SYNPO2: variants seen among roughly 807,000 people sequenced by gnomAD.
SYNPO2 encodes synaptopodin 2.
Under a neutral mutation model 85.0 loss-of-function variants are expected in SYNPO2, and 56 were observed. That is an observed-to-expected ratio of 0.66 (90% CI 0.53 to 0.82). The LOEUF (loss-of-function observed/expected upper bound fraction) is 0.82, where lower values mean the gene tolerates loss of function less well. Among genes scored for constraint, SYNPO2 ranks in the 40% least tolerant of loss-of-function variants. The pLI, the probability that SYNPO2 is intolerant of heterozygous loss-of-function variation, is 0.00. For missense variants in SYNPO2, 1,575 were observed against 1,534.2 expected (o/e 1.03, Z -0.44); for synonymous variants, 602 against 591.1 (o/e 1.02, Z -0.27).
chr4:119,011,293 C>T (rs372767992), intron 1 of SYNPO2, among the ~76,000 whole-genome samples: 2 of 152,164 alleles, frequency 1.3e-5, no homozygotes, highest in South Asian at 2.1e-4. Context: ...CACTCTACTT[C>T]GATGCATATG....
intron 1 of SYNPO2, among the ~76,000 whole-genome samples, chr4:118,953,781 G>C (rs1477435474): frequency 6.6e-6 from 1 of 152,192 alleles, no homozygotes; most frequent in Non-Finnish European, 1.5e-5. Context: ...CCAGTGTGAA[G>C]CTCATAAGCC....
intron 1 of SYNPO2, among the ~76,000 whole-genome samples, chr4:118,919,855 G>A (rs1156455551): frequency 6.6e-6 from 1 of 152,228 alleles, no homozygotes; most frequent in African/African-American, 2.4e-5. Flanking sequence ...CAAACAAGAT[G>A]TAGTGGAGAG....
upstream of SYNPO2, among the ~76,000 whole-genome samples, chr4:118,886,440 T>C (rs1025777359): frequency 3.3e-5 from 5 of 152,242 alleles, no homozygotes; most frequent in African/African-American, 1.2e-4. Context: ...GTGTGATGTT[T>C]CCCTCCCTGT....
intron 1 of SYNPO2, among the ~76,000 whole-genome samples, chr4:118,890,580 T>G (rs13117019): frequency 6.8e-6 from 1 of 147,900 alleles, no homozygotes; most frequent in Admixed American, 7.2e-5. Flanking sequence ...AGATTTGTCC[T>G]GAGTCTAGAA....
intron 1 of SYNPO2, among the ~76,000 whole-genome samples, chr4:118,943,204 C>T (rs1445660936): frequency 6.6e-6 from 1 of 152,062 alleles, no homozygotes; most frequent in Non-Finnish European, 1.5e-5. Flanking sequence ...ACACAACCAA[C>T]CATGTCCCCA....
At chr4:118,952,195 A>G (rs1578579661) in intron 1 of SYNPO2, among the ~76,000 whole-genome samples, 1 of 152,226 alleles carries the variant, frequency 6.6e-6, no homozygotes, top group East Asian at 1.9e-4. Context: ...GTGAAGATCA[A>G]TTACAGACGA....
At chr4:118,965,828 A>G (rs1735296796) in intron 1 of SYNPO2, among the ~76,000 whole-genome samples, 1 of 152,030 alleles carries the variant, frequency 6.6e-6, no homozygotes, top group South Asian at 2.1e-4. Context: ...CACATCTGTA[A>G]TCTCAGCACT....
chr4:119,004,078 C>T (rs1406303671), intron 1 of SYNPO2, among the ~76,000 whole-genome samples: 3 of 152,148 alleles, frequency 2.0e-5, no homozygotes, highest in African/African-American at 7.2e-5. Context: ...TTCCTGTTTT[C>T]GGCCCTACAT....
upstream of SYNPO2, chr4:118,888,764 G>A (rs925463285): frequency 2.1e-6 from 1 of 474,038 alleles, no homozygotes; most frequent in Non-Finnish European, 3.8e-6. Flanking sequence ...TTCCTCGAAG[G>A]TGGGCCGAGC....
chr4:118,912,247 C>T (rs544576933), intron 1 of SYNPO2, among the ~76,000 whole-genome samples: 65 of 152,300 alleles, frequency 4.3e-4, no homozygotes, highest in African/African-American at 1.6e-3. Context: ...AGTAGAGTGA[C>T]TATGGCTCAC....
chr4:119,012,926 G>A (rs142697249), intron 1 of SYNPO2, among the ~76,000 whole-genome samples: 1 of 151,970 alleles, frequency 6.6e-6, no homozygotes, highest in South Asian at 2.1e-4. Flanking sequence ...ACTTGCTTTT[G>A]CATTGCCTTC....
chr4:118,876,667 C>CTTTCTTTCTTTCTTTCTT (rs772213842), intron 1 of SYNPO2, among the ~76,000 whole-genome samples: 1 of 112,092 alleles, frequency 8.9e-6, no homozygotes, highest in Non-Finnish European at 1.8e-5. Context: ...TCCTTCCTTT[C>CTTTCTTTCTTTCTTTCTT]TCTTTCTTTC....
intron 1 of SYNPO2, among the ~76,000 whole-genome samples, chr4:118,965,928 T>A (rs562563715): frequency 8.8e-4 from 111 of 126,412 alleles, no homozygotes; most frequent in African/African-American, 2.6e-3. Flanking sequence ...CAAGATTTTT[T>A]TTAAAAAAAA....
rs1421175410 is a variant in SYNPO2, at chr4:119,032,595, G to A, written c.3252+568G>A. 5.0e-6 allele frequency: 5 copies of A among 993,818 alleles called. No individual in the cohort carries two copies. The South Asian group carries it at 1.8e-4, about 36-fold the overall frequency. 61.6% of individuals were successfully genotyped at this position (993,818 alleles called of 1,614,324 possible). A position where few individuals can be genotyped will look rare whatever the true frequency, so the allele number is the denominator to read the frequency against. ...TGATATCACAGAGAAGATACTCGGAGGATTGTTGGAATGTATATAGTTTAG... is the reference window on the plus strand; with the variant it reads ...TGATATCACAGAGAAGATACTCGGAAGATTGTTGGAATGTATATAGTTTAG... On this transcript the variant is annotated intron_variant, in intron 4 of 4. Coordinates refer to ENST00000307142, the MANE Select transcript of SYNPO2 (RefSeq NM_133477.3).
At chr4:118,880,292 C>A (rs919689980) in intron 1 of SYNPO2, among the ~76,000 whole-genome samples, 2 of 152,080 alleles carry the variant, frequency 1.3e-5, no homozygotes, top group Non-Finnish European at 2.9e-5. Flanking sequence ...GTATGCTGTG[C>A]ATTCTTGTTA....
At chr4:119,041,047 G>A (rs1223695204) in intron 4 of SYNPO2, among the ~76,000 whole-genome samples, 2 of 152,214 alleles carry the variant, frequency 1.3e-5, no homozygotes, top group Non-Finnish European at 2.9e-5. Context: ...GACATAGGGA[G>A]GAACTTAATA....
intron 1 of SYNPO2, among the ~76,000 whole-genome samples, chr4:118,942,475 C>A (rs557201066): frequency 1.3e-5 from 2 of 152,174 alleles, no homozygotes; most frequent in Admixed American, 6.5e-5. Flanking sequence ...GAAAGCACAA[C>A]ATTTTTTTCT....
At chr4:118,900,188 T>G (rs192030252) in intron 1 of SYNPO2, among the ~76,000 whole-genome samples, 128 of 152,360 alleles carry the variant, frequency 8.4e-4, no homozygotes, top group African/African-American at 2.9e-3. Context: ...CACTTGACTA[T>G]AGAAATATTT....
intron 1 of SYNPO2, among the ~76,000 whole-genome samples, chr4:118,951,537 T>A (rs1734696910): frequency 6.6e-6 from 1 of 152,212 alleles, no homozygotes; most frequent in African/African-American, 2.4e-5. Context: ...ACAGCAAGTT[T>A]GTTGGGACCC....
Sources: gnomAD v4.1 joint callset for allele counts (sites outside exome capture counted in the v4.1 genomes callset) on GRCh38, gnomAD v4.1.1 for gene constraint, MANE v1.5 for transcripts, NCBI Gene and HGNC (gene_info 2026-07-23, HGNC 2026-07-21) for gene names.